The following KIF14 variants were observed in gnomAD, a reference collection of about 807,000 sequenced individuals.
KIF14 encodes the protein kinesin-like protein KIF14.
Under a neutral mutation model 176.2 loss-of-function variants are expected in KIF14, and 98 were observed. The ratio of observed to expected loss-of-function variants is 0.56; its 90% CI spans 0.47 to 0.66. KIF14 has a LOEUF of 0.66. Among genes scored for constraint, KIF14 ranks in the 30% least tolerant of loss-of-function variants. The pLI is 0.00. For missense variants in KIF14, 1,751 were observed against 1,920.4 expected, an observed-to-expected ratio of 0.91 and a Z score of 1.65; for synonymous variants, 566 against 632.2, an observed-to-expected ratio of 0.90 and a Z score of 1.57.
chr1:200,618,598 C>A lies in KIF14; in HGVS notation c.126G>T (p.Ser42=), dbSNP rs754855524. The A allele has an allele frequency of 1.2e-6, 2 of 1,614,062 alleles. No homozygotes were observed. Among genetic ancestry groups the A allele is most frequent in the Non-Finnish European group, 1.7e-6 (2 of 1,180,006 alleles). ...HSSRLKLHLK[S]DMSECENDDP... ...CATCATTTTCACATTCTGACATATCCGACTTCAAATGCAGCTTAAGTCGGC... is the reference window on the plus strand; with the variant it reads ...CATCATTTTCACATTCTGACATATCAGACTTCAAATGCAGCTTAAGTCGGC... Residue 42 remains serine, a synonymous_variant, in exon 2 of 30, where the codon TCG becomes TCT. Transcript: ENST00000367350.
At chr1:200,586,794 T>TATATATATATATATACAC (rs1281893477) in intron 18 of KIF14, among the ~76,000 whole-genome samples, 8 of 22,504 alleles carry the variant, frequency 3.6e-4, no homozygotes, top group Non-Finnish European at 5.3e-4. Context: ...TACATACATA[T>TATATATATATATATACAC]ATATATATAT....
intron 29 of KIF14, 89 bp downstream of exon 29, chr1:200,554,378 GA>G: frequency 1.2e-6 from 1 of 865,564 alleles, no homozygotes; most frequent in South Asian, 1.7e-5. Context: ...GTGACAGAGC[GA>G]GACTCCATCT....
At chr1:200,570,561 G>A (rs1053316303) in intron 22 of KIF14, among the ~76,000 whole-genome samples, 4 of 152,128 alleles carry the variant, frequency 2.6e-5, no homozygotes, top group Non-Finnish European at 5.9e-5. Flanking sequence ...AGAACCAAAC[G>A]AGGTTCAGAA....
intron 4 of KIF14, among the ~76,000 whole-genome samples, chr1:200,611,759 A>G (rs1186248613): frequency 6.6e-6 from 1 of 152,178 alleles, no homozygotes; most frequent in East Asian, 1.9e-4. Context: ...GGCTAATTCC[A>G]AAGTTGATAT....
intron 19 of KIF14, among the ~76,000 whole-genome samples, chr1:200,585,690 CAG>C (rs1364477035): frequency 1.3e-5 from 2 of 152,104 alleles, no homozygotes; most frequent in Admixed American, 6.5e-5. Flanking sequence ...TTCTGGGTTG[CAG>C]ACTACCATCT....
chr1:200,616,414 C>T (rs2102784550), intron 2 of KIF14, among the ~76,000 whole-genome samples: 1 of 152,288 alleles, frequency 6.6e-6, no homozygotes, highest in South Asian at 2.1e-4. Context: ...TTGTCCCTAC[C>T]AGCTCTTTCT....
At chr1:200,617,550 G>A in intron 2 of KIF14, 62 bp downstream of exon 2, 1 of 1,476,356 alleles carries the variant, frequency 6.8e-7, no homozygotes, top group South Asian at 1.4e-5. Flanking sequence ...CAAAGGCAGA[G>A]AGGAATTAAA....
intron 27 of KIF14, among the ~76,000 whole-genome samples, chr1:200,558,920 T>C (rs1261147185): frequency 6.6e-6 from 1 of 152,242 alleles, no homozygotes; most frequent in African/African-American, 2.4e-5. Flanking sequence ...ATATCTTATG[T>C]GAATGCCCCA....
intron 23 of KIF14, among the ~76,000 whole-genome samples, chr1:200,566,168 T>C (rs1385928166): frequency 6.6e-6 from 1 of 152,174 alleles, no homozygotes; most frequent in Non-Finnish European, 1.5e-5. Flanking sequence ...ATCCATAGAT[T>C]TAGTAGCTCC....
At chr1:200,620,202 C>CA (rs1277125529) in intron 1 of KIF14, among the ~76,000 whole-genome samples, 2 of 152,094 alleles carry the variant, frequency 1.3e-5, no homozygotes, top group Non-Finnish European at 2.9e-5. Context: ...AATTTAAAGG[C>CA]AAAAAGAAGA....
At chr1:200,566,679 C>A (rs1657474313) in intron 23 of KIF14, among the ~76,000 whole-genome samples, 1 of 151,786 alleles carries the variant, frequency 6.6e-6, no homozygotes, top group Non-Finnish European at 1.5e-5. Flanking sequence ...TCATAGCACA[C>A]TGAGCCTCAA....
rs113931277 is a variant in KIF14, at chr1:200,565,176, T to C, written c.3964A>G (p.Lys1322Glu). 6.2e-7 allele frequency: 1 copy of C among 1,613,916 alleles called. No individual in the cohort carries two copies. Among genetic ancestry groups the C allele is most frequent in the South Asian group, 1.1e-5 (1 of 91,076 alleles). ...GGCAGTAAATCACTCAGCCAGTGTT[T>C]CATTAGCACTACTAGCTGCTCAAAA... Reference protein sequence around the residue: ...CAFEQLVVLMKHWLSDLLPCT... With the variant: ...CAFEQLVVLMEHWLSDLLPCT... Residue 1322 changes from lysine (K) to glutamate (E), a missense_variant, in exon 25 of 30, where the codon AAA (lysine) becomes GAA (glutamate). By Grantham distance (56) the Lys-to-Glu change is moderately conservative. Coordinates refer to ENST00000367350, the MANE Select transcript of KIF14 (RefSeq NM_014875.3).
intron 29 of KIF14, among the ~76,000 whole-genome samples, chr1:200,554,112 C>T (rs543643219): frequency 6.6e-5 from 10 of 152,174 alleles, no homozygotes; most frequent in Admixed American, 3.3e-4. Flanking sequence ...AGATGTCAGC[C>T]GGGGACTGTG....
chr1:200,597,424 A>G (rs943576504), intron 14 of KIF14, among the ~76,000 whole-genome samples: 7 of 152,234 alleles, frequency 4.6e-5, no homozygotes, highest in Admixed American at 6.5e-5. Context: ...GCAAGTTACA[A>G]TAGTAAACAA....
chr1:200,569,851 A>G, intron 23 of KIF14, 60 bp downstream of exon 23: 4 of 849,542 alleles, frequency 4.7e-6, no homozygotes, highest in Non-Finnish European at 7.4e-6. Context: ...AAAAAATGTA[A>G]TGGTAGAACC....
intron 10 of KIF14, 38 bp downstream of exon 10, chr1:200,603,188 T>C (rs1659707822): frequency 8.2e-7 from 1 of 1,212,206 alleles, no homozygotes; most frequent in African/African-American, 1.5e-5. Context: ...GTATTCACTA[T>C]ATTTTATACA....
chr1:200,554,339 T>C (rs1194946928), intron 29 of KIF14, 129 bp downstream of exon 29: 12 of 583,802 alleles, frequency 2.1e-5, no homozygotes, highest in Non-Finnish European at 3.2e-5. Flanking sequence ...TGCAGTGAGC[T>C]GAAATCGAGC....
chr1:200,614,189 AAAG>A, intron 4 of KIF14, 126 bp downstream of exon 4: 1 of 556,002 alleles, frequency 1.8e-6, no homozygotes, highest in South Asian at 2.6e-5. Flanking sequence ...CCACTGTTCC[AAAG>A]AAGAGTGATC....
At chr1:200,596,166 A>G (rs954390235) in intron 14 of KIF14, among the ~76,000 whole-genome samples, 1 of 151,952 alleles carries the variant, frequency 6.6e-6, no homozygotes, top group Non-Finnish European at 1.5e-5. Context: ...AAGCAGGAGA[A>G]TTGCTCGACT....
Sources: allele counts gnomAD v4.1 joint callset (sites outside exome capture counted in the v4.1 genomes callset), GRCh38; gene constraint gnomAD v4.1.1; transcripts MANE v1.5; gene names NCBI Gene and HGNC (gene_info 2026-07-23, HGNC 2026-07-21).